The following PSTPIP2 variants were observed in gnomAD, a reference collection of about 807,000 sequenced individuals.
The protein encoded by PSTPIP2 is proline-serine-threonine phosphatase-interacting protein 2.
PSTPIP2 carries 33 observed loss-of-function variants against 63.3 expected under a neutral mutation model. The observed-to-expected ratio is 0.52, with a 90% CI of 0.40 to 0.70. The LOEUF is 0.70. Ranked by LOEUF, PSTPIP2 falls within the 30% of genes least tolerant of loss-of-function variation. The pLI is 0.00. For synonymous variants in PSTPIP2, 125 were observed against 132.7 expected (o/e 0.94, Z 0.40); for missense variants, 312 against 400.7 (o/e 0.78, Z 1.89).
intron 5 of PSTPIP2, among the ~76,000 whole-genome samples, chr18:46,006,050 T>G (rs1471668271): frequency 6.6e-6 from 1 of 152,140 alleles, no homozygotes; most frequent in East Asian, 1.9e-4. Flanking sequence ...TGTTACTCTT[T>G]TATTCCATTT....
intron 6 of PSTPIP2, among the ~76,000 whole-genome samples, chr18:46,001,939 A>G (rs559433523): frequency 6.6e-6 from 1 of 152,322 alleles, no homozygotes; most frequent in South Asian, 2.1e-4. Context: ...TAATTAAGTG[A>G]TTATTGACTA....
At chr18:46,003,809 T>C (rs1475743699) in intron 6 of PSTPIP2, among the ~76,000 whole-genome samples, 3 of 150,888 alleles carry the variant, frequency 2.0e-5, no homozygotes, top group Non-Finnish European at 2.9e-5. Flanking sequence ...GGCTGGAGTA[T>C]GCAATAGTGC....
In PSTPIP2 at chr18:45,991,954, A is replaced by G; in HGVS notation, c.868T>C (p.Ser290Pro). ...APIMYENFYS[S>P]QKNAVPAGKA... ...CCTGCTGGGACTGCATTCTTCTGGGAGGAGTAGAAATTCTCATACATGATG... is the reference window on the plus strand; with the variant it reads ...CCTGCTGGGACTGCATTCTTCTGGGGGGAGTAGAAATTCTCATACATGATG... The change falls in exon 12 of 15, where the codon TCC (serine) becomes CCC (proline). Residue 290 changes from serine (S) to proline (P), a missense_variant. Physicochemically the swap from Ser to Pro is moderately conservative, Grantham distance 74. Transcript: ENST00000409746. 6.2e-7 allele frequency: 1 copy of G among 1,613,742 alleles called. No individual in the cohort carries two copies. Among genetic ancestry groups the G allele is most frequent in the Non-Finnish European group, 8.5e-7 (1 of 1,179,666 alleles).
intron 2 of PSTPIP2, among the ~76,000 whole-genome samples, chr18:46,031,554 C>T (rs886115510): frequency 4.6e-5 from 7 of 152,208 alleles, no homozygotes. Flanking sequence ...CTGTTTCTAA[C>T]TTTCTGAATC....
intron 9 of PSTPIP2, among the ~76,000 whole-genome samples, chr18:45,996,367 G>T (rs753204646): frequency 2.0e-5 from 3 of 152,146 alleles, no homozygotes; most frequent in Admixed American, 6.5e-5. Context: ...AGAGATTGCT[G>T]GGCTTTACCC....
At position 46,011,286 on chromosome 18, in the gene PSTPIP2, T is replaced by A; in HGVS notation, c.249A>T (p.Gln83His). Residue 83 changes from glutamine (Q) to histidine (H), a missense_variant and splice_region_variant, in exon 5 of 15, where the codon CAA becomes CAT. Gln to His is a conservative substitution (Grantham distance 24). Coordinates refer to ENST00000409746, the MANE Select transcript of PSTPIP2 (RefSeq NM_024430.4). The part of the protein sequence containing the change: ...LKRALEVFKQ[Q>H]VDNVAQCHIQ... Reference sequence around the variant, plus strand: ...TGTGACATTGTGCCACATTGTCTACTTCTGCAAAAAAGAATTAAAAAAAAA... The same window carrying A: ...TGTGACATTGTGCCACATTGTCTACATCTGCAAAAAAGAATTAAAAAAAAA... 1 of 1,611,186 alleles carries A rather than the reference T, an allele frequency of 6.2e-7. No homozygotes were observed. The highest frequency in any genetic ancestry group is 2.2e-5 in the East Asian group (1 of 44,856).
At position 46,040,169 on chromosome 18, in the gene PSTPIP2, G is replaced by A. The variant is rs976457268; in HGVS notation, c.34-122C>T. Reference sequence around the variant, plus strand: ...AACGTTGCTGACTCACTTTGAGATGGCGCAGGGACCCACTTAGGAGCCTGT... The same window carrying A: ...AACGTTGCTGACTCACTTTGAGATGACGCAGGGACCCACTTAGGAGCCTGT... On this transcript the variant is annotated intron_variant, in intron 1 of 14. Coordinates refer to ENST00000409746, the MANE Select transcript of PSTPIP2 (RefSeq NM_024430.4). The A allele has an allele frequency of 5.7e-6, 4 of 706,214 alleles. No homozygotes were observed. The African/African-American group carries it at 7.4e-5, about 13-fold the overall frequency. 43.7% of individuals were successfully genotyped at this position (706,214 alleles called of 1,614,324 possible).
chr18:46,067,893 C>T (rs536558316), intron 1 of PSTPIP2, among the ~76,000 whole-genome samples: 15 of 152,106 alleles, frequency 9.9e-5, no homozygotes, highest in Non-Finnish European at 2.1e-4. Flanking sequence ...TTCATAAAAT[C>T]CGAGAGAGTA....
rs1908124460 is a variant in PSTPIP2 at position 46,039,829 on chromosome 18, A to G, written c.134+118T>C. 7.1e-6 allele frequency: 6 copies of G among 844,300 alleles called. No homozygotes were observed. In the Admixed American group the frequency reaches 1.1e-4, roughly 16 times the overall value. The allele number at this position is 844,300 out of a possible 1,614,324, so 52.3% of individuals were successfully genotyped here. On this transcript the variant is annotated intron_variant, in intron 2 of 14. Transcript: ENST00000409746. ...CTTCTCAGGTATCATTCCATAACCT[A>G]GAGCAGAGAGAGGGTCTTCAGAACC...
chr18:46,034,839 A>G (rs1246615602), intron 2 of PSTPIP2, among the ~76,000 whole-genome samples: 5 of 152,242 alleles, frequency 3.3e-5, no homozygotes, highest in African/African-American at 1.2e-4. Context: ...TAAATAATAT[A>G]TACAAAACAC....
At chr18:46,052,531 A>C (rs1361855174) in intron 1 of PSTPIP2, among the ~76,000 whole-genome samples, 1 of 151,954 alleles carries the variant, frequency 6.6e-6, no homozygotes, top group African/African-American at 2.4e-5. Flanking sequence ...TTATCCCAAG[A>C]AATTGCAAGT....
At chr18:45,992,321 G>A in intron 10 of PSTPIP2, 119 bp from the exon 11 acceptor site, 1 of 820,934 alleles carries the variant, frequency 1.2e-6, no homozygotes. Context: ...CCAGCATTTT[G>A]GGAGGTTGGG....
At chr18:45,996,625 T>TAA (rs1392665265) in intron 9 of PSTPIP2, among the ~76,000 whole-genome samples, 255 of 135,192 alleles carry the variant, frequency 1.9e-3, no homozygotes, top group African/African-American at 6.1e-3. Context: ...ATGAGGAGAG[T>TAA]AAAAAAAAAA....
intron 6 of PSTPIP2, among the ~76,000 whole-genome samples, chr18:46,001,275 A>G (rs899941343): frequency 6.6e-6 from 1 of 152,190 alleles, no homozygotes; most frequent in Admixed American, 6.5e-5. Context: ...TGTCTTTTTG[A>G]TAACAGCCAT....
intron 1 of PSTPIP2, among the ~76,000 whole-genome samples, chr18:46,047,792 A>G (rs898922318): frequency 6.6e-6 from 1 of 152,242 alleles, no homozygotes; most frequent in African/African-American, 2.4e-5. Context: ...CTGTCTTAGC[A>G]ATAATTGATT....
At chr18:45,987,990 ACTT>A (rs1013438535) in intron 14 of PSTPIP2, among the ~76,000 whole-genome samples, 2 of 152,176 alleles carry the variant, frequency 1.3e-5, no homozygotes, top group Admixed American at 1.3e-4. Flanking sequence ...TATCATTTGC[ACTT>A]CTTTTTATTT....
chr18:46,040,362 T>A (rs9957804), intron 1 of PSTPIP2: 1 of 236,032 alleles, frequency 4.2e-6, no homozygotes, highest in Admixed American at 5.1e-5. Flanking sequence ...TGGTTCCCTA[T>A]AGAAACAAAG....
At chr18:46,021,458 A>C (rs1483401566) in intron 3 of PSTPIP2, among the ~76,000 whole-genome samples, 1 of 151,390 alleles carries the variant, frequency 6.6e-6, no homozygotes, top group Non-Finnish European at 1.5e-5. Flanking sequence ...CAAATAAAGC[A>C]AATAATTATA....
chr18:46,071,272 C>T (rs1340396749), intron 1 of PSTPIP2, among the ~76,000 whole-genome samples: 1 of 152,144 alleles, frequency 6.6e-6, no homozygotes. Flanking sequence ...AGTCAGGGCC[C>T]CTTGGCAGCT....
Sources: gnomAD v4.1 joint callset for allele counts (sites outside exome capture counted in the v4.1 genomes callset) on GRCh38, gnomAD v4.1.1 for gene constraint, MANE v1.5 for transcripts, NCBI Gene and HGNC (gene_info 2026-07-23, HGNC 2026-07-21) for gene names.